Variants in GON4L observed in about 807,000 individuals in gnomAD.
GON4L encodes the protein GON-4-like protein.
A neutral mutation model predicts 211.8 loss-of-function variants in GON4L; 87 were observed. That is an observed-to-expected ratio of 0.41 (90% CI 0.35 to 0.49). The LOEUF (loss-of-function observed/expected upper bound fraction) is 0.49, where lower values mean the gene tolerates loss of function less well. GON4L is among the 20% of genes least tolerant of loss of function. The pLI, the probability that GON4L is intolerant of heterozygous loss-of-function variation, is 0.15. For missense variants in GON4L, 2,155 were observed against 2,659.5 expected (o/e 0.81, Z 4.17); for synonymous variants, 875 against 962.6 (o/e 0.91, Z 1.68).
chr1:155,792,232 T>C (rs144008629), intron 12 of GON4L, among the ~76,000 whole-genome samples: 11 of 152,344 alleles, frequency 7.2e-5, no homozygotes, highest in African/African-American at 2.6e-4. Context: ...TCTGTGATTC[T>C]ATGCTTTTTA....
chr1:155,826,543 G>A (rs1473155903), intron 3 of GON4L, among the ~76,000 whole-genome samples: 1 of 148,248 alleles, frequency 6.7e-6, no homozygotes, highest in Non-Finnish European at 1.5e-5. Context: ...TTCAGCCTGG[G>A]CGACAAGAAC....
At chr1:155,807,597 A>G (rs968125951) in intron 10 of GON4L, among the ~76,000 whole-genome samples, 14 of 147,802 alleles carry the variant, frequency 9.5e-5, no homozygotes, top group Admixed American at 9.1e-4. Flanking sequence ...CCAGCTACTC[A>G]GGAGGCTGAG....
chr1:155,814,213 A>T, intron 9 of GON4L, 117 bp downstream of exon 9: 1 of 1,047,784 alleles, frequency 9.5e-7, no homozygotes, highest in Non-Finnish European at 1.5e-6. Context: ...CTAACTTAAG[A>T]AACTTTGAAA....
chr1:155,785,164 A>G (rs1433720628), intron 13 of GON4L, 170 bp downstream of exon 13: 6 of 716,064 alleles, frequency 8.4e-6, no homozygotes, highest in African/African-American at 5.2e-5. Context: ...TCAAGAGTCT[A>G]GTAGTTAGCA....
At chr1:155,848,248 G>A (rs917551698) in intron 2 of GON4L, among the ~76,000 whole-genome samples, 6 of 152,154 alleles carry the variant, frequency 3.9e-5, no homozygotes, top group African/African-American at 1.4e-4. Context: ...CAATTTTGGG[G>A]TTCACCTGCA....
chr1:155,798,576 A>T (rs1203685614), intron 11 of GON4L, among the ~76,000 whole-genome samples: 4 of 89,518 alleles, frequency 4.5e-5, no homozygotes, highest in African/African-American at 1.4e-4. Flanking sequence ...CGTCAGGCTA[A>T]TTTTTTTTTT....
chr1:155,753,027 G>T (rs1242325024), intron 29 of GON4L, among the ~76,000 whole-genome samples, 177 bp downstream of exon 29: 1 of 152,170 alleles, frequency 6.6e-6, no homozygotes, highest in Non-Finnish European at 1.5e-5. Context: ...CAAGAGGAGT[G>T]AGGCCATATG....
intron 14 of GON4L, 78 bp from the exon 15 acceptor site, chr1:155,777,898 C>A: frequency 1.2e-6 from 1 of 866,236 alleles, no homozygotes; most frequent in East Asian, 2.4e-5. Context: ...CAATGATGAG[C>A]AAAGAGCCTG....
At chr1:155,809,066 C>G (rs975097987) in intron 10 of GON4L, among the ~76,000 whole-genome samples, 1 of 152,046 alleles carries the variant, frequency 6.6e-6, no homozygotes, top group Non-Finnish European at 1.5e-5. Context: ...GCATGCGCCA[C>G]CACACCTATA....
chr1:155,855,746 G>C (rs965376136), intron 1 of GON4L, among the ~76,000 whole-genome samples: 1 of 152,122 alleles, frequency 6.6e-6, no homozygotes, highest in African/African-American at 2.4e-5. Context: ...ACTCTGGGAG[G>C]CCAAGGCGGG....
chr1:155,757,666 T>G (rs1661338536), intron 25 of GON4L, among the ~76,000 whole-genome samples: 1 of 135,150 alleles, frequency 7.4e-6, no homozygotes, highest in Non-Finnish European at 1.6e-5. Flanking sequence ...ATGGCATTCC[T>G]GAGCCTGTGA....
intron 5 of GON4L, 143 bp from the exon 6 acceptor site, chr1:155,820,799 A>C: frequency 1.5e-6 from 1 of 674,050 alleles, no homozygotes. Flanking sequence ...TGAGCAACAG[A>C]GTGAGACACC....
Position 155,807,052 on chromosome 1 carries a change from T to C in GON4L, c.1453-1911A>G, listed in dbSNP as rs193183074. Among the ~76,000 whole-genome samples the C allele has an allele frequency of 3.3e-5, 5 of 150,460 alleles. No homozygotes were observed. In the East Asian group the frequency reaches 5.9e-4, roughly 18 times the overall value. ...AGATCAAGGCTGTAGTGAGCCATGATTGCACCATTGTACTCCAACCTAAGC... is the reference window on the plus strand; with the variant it reads ...AGATCAAGGCTGTAGTGAGCCATGACTGCACCATTGTACTCCAACCTAAGC... On this transcript the variant is annotated intron_variant, in intron 10 of 31. Transcript: ENST00000368331.
Position 155,775,074 on chromosome 1 carries a change from T to C in GON4L, c.2278A>G (p.Met760Val). 4 of 1,613,566 alleles carry C rather than the reference T, an allele frequency of 2.5e-6. No homozygotes were observed. Among genetic ancestry groups the C allele is most frequent in the South Asian group, 1.1e-5 (1 of 91,074 alleles). The change falls in exon 17 of 32, where the codon ATG becomes GTG. Residue 760 changes from methionine (M) to valine (V), a missense_variant. This residue lies in a region of GON4L where 551 missense variants were observed against 854.0 expected (regional missense o/e 0.65). Transcript: ENST00000368331. ...LFQPCNLMGA[M>V]QLIEDFSTHV... Reference sequence around the variant, plus strand: ...GTGCTGAAGTCTTCAATCAGCTGCATAGCTCCCATCAAGTTACAGGGTTGG... The same window carrying C: ...GTGCTGAAGTCTTCAATCAGCTGCACAGCTCCCATCAAGTTACAGGGTTGG...
At chr1:155,746,256 A>C (rs1660251660), downstream of GON4L, 1 of 1,113,046 alleles carries the variant, frequency 9.0e-7, no homozygotes, top group African/African-American at 1.6e-5. Flanking sequence ...ACCGGAGATG[A>C]GGAGCTGAGC....
intron 11 of GON4L, among the ~76,000 whole-genome samples, chr1:155,801,893 A>G (rs1666704736): frequency 6.6e-6 from 1 of 151,948 alleles, no homozygotes; most frequent in African/African-American, 2.4e-5. Flanking sequence ...AGAAAAAAAA[A>G]ATAGAAATGA....
chr1:155,809,999 T>TATAC (rs1557886204), intron 10 of GON4L, among the ~76,000 whole-genome samples: 1 of 123,960 alleles, frequency 8.1e-6, no homozygotes, highest in Non-Finnish European at 1.7e-5. Context: ...TAATTATATA[T>TATAC]ATATATATAT....
At chr1:155,818,584 A>G (rs1668462314) in intron 6 of GON4L, among the ~76,000 whole-genome samples, 1 of 152,250 alleles carries the variant, frequency 6.6e-6, no homozygotes, top group African/African-American at 2.4e-5. Context: ...GTGATTGCCA[A>G]AAACAAAGGT....
Position 155,766,609 on chromosome 1 carries a change from C to A in GON4L, c.2864G>T (p.Ser955Ile). ...CAACTCCAAATTGTCTTTTTCTAGG[C>A]TTCGATCTGAGTTGATCTCAGTGGT... ...TGTTEINSDR[S>I]LEKDNLELGS... Residue 955 changes from serine (S) to isoleucine (I), a missense_variant, in exon 21 of 32, where the codon AGC becomes ATC. Transcript: ENST00000368331. 3 of 1,614,188 alleles carry A rather than the reference C, an allele frequency of 1.9e-6. No individual in the cohort carries two copies. Among genetic ancestry groups the A allele is most frequent in the Non-Finnish European group, 2.5e-6 (3 of 1,180,032 alleles).
Sources: allele counts gnomAD v4.1 joint callset (sites outside exome capture counted in the v4.1 genomes callset), GRCh38; gene constraint gnomAD v4.1.1; regional missense constraint gnomAD v4.1.1; transcripts MANE v1.5; gene names NCBI Gene and HGNC (gene_info 2026-07-23, HGNC 2026-07-21).